EIPR1: variants seen among roughly 807,000 people sequenced by gnomAD.
EIPR1 encodes the protein EARP complex and GARP complex interacting protein 1.
In EIPR1, 25 loss-of-function variants were observed where a neutral mutation model predicts 48.1. The observed-to-expected ratio is 0.52, with a 90% CI of 0.38 to 0.73. EIPR1 has a LOEUF of 0.73. Among genes scored for constraint, EIPR1 ranks in the 30% least tolerant of loss-of-function variants. The probability of loss-of-function intolerance (pLI) is 0.00; values close to 1 mark genes in which losing one functional copy is unlikely to be tolerated. For missense variants in EIPR1, 415 were observed against 506.2 expected (o/e 0.82, Z 1.73); for synonymous variants, 204 against 201.9 (o/e 1.01, Z -0.09).
At chr2:3,282,137 A>G (rs1302281173) in intron 3 of EIPR1, among the ~76,000 whole-genome samples, 1 of 152,260 alleles carries the variant, frequency 6.6e-6, no homozygotes, top group Non-Finnish European at 1.5e-5. Flanking sequence ...AAGTTTATGA[A>G]AATTCTAGGA....
chr2:3,192,676 G>C, intron 7 of EIPR1, 95 bp from the exon 8 acceptor site: 2 of 1,315,988 alleles, frequency 1.5e-6, no homozygotes, highest in Non-Finnish European at 1.1e-6. Flanking sequence ...CTAGGCTGGG[G>C]CTCACGTTAG....
chr2:3,213,634 A>G (rs1287884544), intron 5 of EIPR1, among the ~76,000 whole-genome samples: 1 of 152,198 alleles, frequency 6.6e-6, no homozygotes, highest in Non-Finnish European at 1.5e-5. Context: ...CCTTTGCTCA[A>G]AGTGCAGCAA....
chr2:3,267,085 C>T (rs535127192), intron 3 of EIPR1, among the ~76,000 whole-genome samples: 1 of 152,324 alleles, frequency 6.6e-6, no homozygotes, highest in East Asian at 1.9e-4. Context: ...ACAGGATCTA[C>T]GGCCAAGCAG....
chr2:3,234,913 C>T (rs368113585), intron 4 of EIPR1, among the ~76,000 whole-genome samples: 4 of 152,234 alleles, frequency 2.6e-5, no homozygotes, highest in East Asian at 1.9e-4. Flanking sequence ...CAGCTGGTCC[C>T]GGGCCTGTGG....
chr2:3,318,077 C>T (rs1462674133), intron 3 of EIPR1, among the ~76,000 whole-genome samples: 1 of 152,264 alleles, frequency 6.6e-6, no homozygotes, highest in Non-Finnish European at 1.5e-5. Context: ...CCCAGGCGCA[C>T]AGCCGTGGCT....
intron 4 of EIPR1, among the ~76,000 whole-genome samples, chr2:3,228,651 T>G: frequency 6.6e-6 from 1 of 152,194 alleles, no homozygotes; most frequent in East Asian, 1.9e-4. Context: ...AATTTCATCC[T>G]GGATTATAAT....
rs1324310221 is a variant in EIPR1, at chr2:3,369,962, G to A, written c.42+7686C>T. On this transcript the variant is annotated intron_variant, in intron 1 of 8. Coordinates refer to ENST00000382125, the MANE Select transcript of EIPR1 (RefSeq NM_003310.5). ...AGTGGGTCCTTGACCCCTGACCCCC[G>A]AGCAGCCTAACTGGGAGGCACCCCC... 2.0e-5 allele frequency among the ~76,000 whole-genome samples: 3 copies of A among 150,680 alleles called. No individual in the cohort carries two copies. The South Asian group carries it at 6.3e-4, about 32-fold the overall frequency.
Position 3,194,184 on chromosome 2 carries a change from A to G in EIPR1, c.654-18T>C, listed in dbSNP as rs1386751384. 1 of 1,612,186 alleles carries G rather than the reference A, an allele frequency of 6.2e-7. No individual in the cohort carries two copies. The highest frequency in any genetic ancestry group is 1.1e-5 in the South Asian group (1 of 91,058). ...AGATCTGGCTGAGGGAGAAGGAAGA[A>G]CAGCAAAGGAAAATAGTAAATGGAT... On this transcript the variant is annotated intron_variant, in intron 6 of 8. Transcript: ENST00000382125.
At chr2:3,208,484 G>A (rs1215547939) in intron 5 of EIPR1, 18 of 1,516,462 alleles carry the variant, frequency 1.2e-5, no homozygotes, top group Non-Finnish European at 1.6e-5. Context: ...CAGTTGGGAG[G>A]GGGCCCAATT....
Position 3,286,020 on chromosome 2 carries a change from G to A in EIPR1, c.260-28565C>T, listed in dbSNP as rs1259723057. Among the ~76,000 whole-genome samples, 1 of 152,196 alleles carries A rather than the reference G, an allele frequency of 6.6e-6. No homozygotes were observed. Among genetic ancestry groups the A allele is most frequent in the East Asian group, 1.9e-4 (1 of 5,194 alleles). On this transcript the variant is annotated intron_variant, in intron 3 of 8. Transcript: ENST00000382125. The surrounding 1 kb of genome is among the most constrained non-coding windows in gnomAD (Gnocchi z 4.2). ...CTGCCCTGAGGACATGGGGCAGCCG[G>A]CTGTAGGTGTTCCAGCTGTGGCTCC...
intron 3 of EIPR1, among the ~76,000 whole-genome samples, chr2:3,285,717 G>A (rs1190367132): frequency 2.5e-5 from 3 of 119,016 alleles, no homozygotes; most frequent in Admixed American, 8.4e-5. Flanking sequence ...ACCCTCGCAC[G>A]GAGCAGAAGT....
intron 4 of EIPR1, among the ~76,000 whole-genome samples, chr2:3,248,696 C>T (rs980628741): frequency 2.0e-5 from 3 of 152,102 alleles, no homozygotes; most frequent in Admixed American, 1.3e-4. Context: ...TACTGGAAGG[C>T]GGAGGCAGAG....
At chr2:3,209,177 G>A (rs190838065) in intron 5 of EIPR1, among the ~76,000 whole-genome samples, 3 of 152,278 alleles carry the variant, frequency 2.0e-5, no homozygotes, top group East Asian at 1.9e-4. Flanking sequence ...GCAGGCCCAC[G>A]CGGCACATAA....
intron 5 of EIPR1, among the ~76,000 whole-genome samples, chr2:3,206,908 G>A (rs927283220): frequency 6.6e-5 from 10 of 152,172 alleles, no homozygotes; most frequent in African/African-American, 1.4e-4. Context: ...TGGGAGCAGC[G>A]CGTCATGAAA....
In EIPR1 at chr2:3,358,697, C is replaced by T. The variant is rs540768399; in HGVS notation, c.43-4064G>A. Among the ~76,000 whole-genome samples, 3 of 152,314 alleles carry T rather than the reference C, an allele frequency of 2.0e-5. No individual in the cohort carries two copies. In the East Asian group the frequency reaches 5.8e-4, roughly 29 times the overall value. Reference sequence around the variant, plus strand: ...AGCCTCTGACGCTATCCAATTTAAACAGCTCTGGCTTGGAGAAAGATGACT... The same window carrying T: ...AGCCTCTGACGCTATCCAATTTAAATAGCTCTGGCTTGGAGAAAGATGACT... On this transcript the variant is annotated intron_variant, in intron 1 of 8. Coordinates refer to ENST00000382125, the MANE Select transcript of EIPR1 (RefSeq NM_003310.5).
At chr2:3,367,722 A>T (rs1354661284) in intron 1 of EIPR1, among the ~76,000 whole-genome samples, 2 of 152,210 alleles carry the variant, frequency 1.3e-5, no homozygotes, top group Non-Finnish European at 2.9e-5. Flanking sequence ...AAACCAAATT[A>T]TCAATTCCAT....
chr2:3,194,325 C>A, intron 6 of EIPR1, 159 bp from the exon 7 acceptor site: 1 of 755,870 alleles, frequency 1.3e-6, no homozygotes, highest in Non-Finnish European at 2.1e-6. Context: ...AAGAGGCTGG[C>A]GCCACCTCCT....
chr2:3,350,622 T>C (rs955097305), intron 2 of EIPR1, among the ~76,000 whole-genome samples: 12 of 152,310 alleles, frequency 7.9e-5, no homozygotes, highest in South Asian at 2.1e-4. Flanking sequence ...ATTAAAGAGT[T>C]CTGTTATTCT....
intron 4 of EIPR1, among the ~76,000 whole-genome samples, chr2:3,224,894 C>T (rs1246798702): frequency 6.6e-6 from 1 of 152,214 alleles, no homozygotes; most frequent in East Asian, 1.9e-4. Context: ...ATCTGAATCC[C>T]AGCACCGGAG....
Sources: allele counts gnomAD v4.1 joint callset (sites outside exome capture counted in the v4.1 genomes callset), GRCh38; gene constraint gnomAD v4.1.1; non-coding constraint Gnocchi (gnomAD v3.1); transcripts MANE v1.5; gene names NCBI Gene and HGNC (gene_info 2026-07-23, HGNC 2026-07-21).